Variants in TMPRSS11F observed in about 807,000 individuals in gnomAD.
The protein encoded by TMPRSS11F is transmembrane serine protease 11F.
TMPRSS11F carries 47 observed loss-of-function variants against 60.2 expected under a neutral mutation model. The ratio of observed to expected loss-of-function variants is 0.78; its 90% CI spans 0.62 to 1.00. TMPRSS11F has a LOEUF of 1.00. Among genes scored for constraint, TMPRSS11F ranks in the 50% least tolerant of loss-of-function variants. TMPRSS11F has a pLI of 0.00. For missense variants in TMPRSS11F, 519 were observed against 522.9 expected (o/e 0.99, Z 0.07); for synonymous variants, 166 against 167.3 (o/e 0.99, Z 0.06).
intron 1 of TMPRSS11F, among the ~76,000 whole-genome samples, chr4:68,128,635 C>T (rs1477246457): frequency 1.3e-5 from 2 of 151,906 alleles, no homozygotes; most frequent in Non-Finnish European, 2.9e-5. Context: ...AAGAGAACTC[C>T]AAATTTTTCT....
At chr4:68,061,851 T>C in intron 8 of TMPRSS11F, 1 of 427,232 alleles carries the variant, frequency 2.3e-6, no homozygotes, top group Non-Finnish European at 4.6e-6. Flanking sequence ...AGTGACTTTG[T>C]CTCTTTGGAT....
intron 1 of TMPRSS11F, among the ~76,000 whole-genome samples, chr4:68,113,554 T>C (rs763960702): frequency 5.9e-5 from 9 of 152,142 alleles, no homozygotes; most frequent in Non-Finnish European, 8.8e-5. Context: ...TATGTCATTA[T>C]AAAAGGGTCA....
intron 1 of TMPRSS11F, among the ~76,000 whole-genome samples, chr4:68,106,678 G>A (rs1403994544): frequency 6.6e-6 from 1 of 152,186 alleles, no homozygotes; most frequent in East Asian, 1.9e-4. Flanking sequence ...TGACAAAACA[G>A]TCAATGAAGA....
intron 1 of TMPRSS11F, among the ~76,000 whole-genome samples, chr4:68,103,290 TA>T (rs1170790347): frequency 1.3e-5 from 2 of 151,880 alleles, no homozygotes; most frequent in East Asian, 1.9e-4. Flanking sequence ...AAAAAATACT[TA>T]AAAAAATAGT....
At chr4:68,122,742 T>C (rs2109890239) in intron 1 of TMPRSS11F, among the ~76,000 whole-genome samples, 1 of 152,326 alleles carries the variant, frequency 6.6e-6, no homozygotes, top group East Asian at 1.9e-4. Context: ...ATTTATTAAA[T>C]TACTTCCAGA....
chr4:68,059,561 C>A, intron 8 of TMPRSS11F, 93 bp from the exon 9 acceptor site: 1 of 1,262,464 alleles, frequency 7.9e-7, no homozygotes, highest in Non-Finnish European at 1.1e-6. Context: ...GTAGCAAAAG[C>A]CAAAGATTAT....
intron 1 of TMPRSS11F, among the ~76,000 whole-genome samples, chr4:68,110,089 T>A (rs924374979): frequency 8.5e-5 from 13 of 152,166 alleles, no homozygotes; most frequent in African/African-American, 3.1e-4. Context: ...TAGATACACA[T>A]TAGATATTCC....
chr4:68,063,377 T>C, intron 8 of TMPRSS11F: 1 of 393,644 alleles, frequency 2.5e-6, no homozygotes, highest in Non-Finnish European at 4.9e-6. Context: ...TGTTTTCTGT[T>C]TTTGTTTTTG....
intron 5 of TMPRSS11F, among the ~76,000 whole-genome samples, chr4:68,072,079 T>C (rs539423119): frequency 6.6e-6 from 1 of 150,802 alleles, no homozygotes; most frequent in Non-Finnish European, 1.5e-5. Context: ...ACATATGATA[T>C]GGAAAAAAGT....
At chr4:68,110,276 A>G (rs553009097) in intron 1 of TMPRSS11F, among the ~76,000 whole-genome samples, 89 of 152,190 alleles carry the variant, frequency 5.8e-4, no homozygotes, top group Middle Eastern at 3.2e-3. Context: ...AGAAGCAGCA[A>G]TGGAGAACAA....
chr4:68,089,822 A>G (rs1723887083), intron 3 of TMPRSS11F, among the ~76,000 whole-genome samples: 1 of 152,120 alleles, frequency 6.6e-6, no homozygotes, highest in Admixed American at 6.6e-5. Flanking sequence ...TCATATTAAC[A>G]TAGTGCTCTA....
intron 3 of TMPRSS11F, among the ~76,000 whole-genome samples, chr4:68,085,362 G>A (rs10024607): frequency 6.6e-6 from 1 of 151,896 alleles, no homozygotes; most frequent in Non-Finnish European, 1.5e-5. Flanking sequence ...CAGTGTAAAA[G>A]TGTTCCTATT....
intron 1 of TMPRSS11F, among the ~76,000 whole-genome samples, chr4:68,121,890 C>G (rs920811535): frequency 6.6e-6 from 1 of 152,204 alleles, no homozygotes; most frequent in African/African-American, 2.4e-5. Flanking sequence ...TGTTACAGTG[C>G]TGCATATGAA....
intron 8 of TMPRSS11F, chr4:68,062,215 T>C (rs1233773780): frequency 7.4e-6 from 3 of 406,492 alleles, no homozygotes; most frequent in Non-Finnish European, 9.4e-6. Context: ...AAATCACTTA[T>C]AATTTTGATT....
Position 68,059,334 on chromosome 4 carries a change from C to G in TMPRSS11F, c.1150G>C (p.Ala384Pro). 6.2e-7 allele frequency: 1 copy of G among 1,613,388 alleles called. No individual in the cohort carries two copies. Among genetic ancestry groups the G allele is most frequent in the Non-Finnish European group, 8.5e-7 (1 of 1,179,844 alleles). ...CAGFMEGKID[A>P]CKGDSGGPLV... The stretch of plus-strand genomic sequence containing the variant: ...CTTGACTTTAAACTTACCTTACATG[C>G]ATCTATTTTTCCTTCCATGAATCCA... Residue 384 changes from alanine (A) to proline (P), a missense_variant, in exon 9 of 10, where the codon GCA becomes CCA. Ala to Pro is a conservative substitution (Grantham distance 27, BLOSUM62 -1). Transcript: ENST00000356291.
intron 1 of TMPRSS11F, among the ~76,000 whole-genome samples, chr4:68,102,604 A>T (rs546634202): frequency 6.6e-6 from 1 of 152,196 alleles, no homozygotes; most frequent in African/African-American, 2.4e-5. Context: ...ACTGTTGACC[A>T]TTTTTATGTC....
At chr4:68,100,733 TAC>T (rs1724175586) in intron 1 of TMPRSS11F, among the ~76,000 whole-genome samples, 2 of 152,190 alleles carry the variant, frequency 1.3e-5, no homozygotes, top group African/African-American at 4.8e-5. Context: ...GTATCTGTTT[TAC>T]GGCCTTTCTC....
intron 1 of TMPRSS11F, among the ~76,000 whole-genome samples, chr4:68,105,204 C>T (rs1386053334): frequency 6.6e-6 from 1 of 151,598 alleles, no homozygotes; most frequent in Non-Finnish European, 1.5e-5. Flanking sequence ...TGTATTGCAT[C>T]TATTTTAAAA....
chr4:68,083,898 C>T (rs1430745964), intron 3 of TMPRSS11F, among the ~76,000 whole-genome samples: 1 of 152,092 alleles, frequency 6.6e-6, no homozygotes, highest in Non-Finnish European at 1.5e-5. Flanking sequence ...CATTGAGATG[C>T]AGGAGAAAGT....
Sources: allele counts gnomAD v4.1 joint callset (sites outside exome capture counted in the v4.1 genomes callset), GRCh38; gene constraint gnomAD v4.1.1; transcripts MANE v1.5; gene names NCBI Gene and HGNC (gene_info 2026-07-23, HGNC 2026-07-21).